The following SKAP2 variants were observed in gnomAD, a reference collection of about 807,000 sequenced individuals.
The protein encoded by SKAP2 is src kinase-associated phosphoprotein 2.
Under a neutral mutation model 54.9 loss-of-function variants are expected in SKAP2, and 28 were observed. The ratio of observed to expected loss-of-function variants is 0.51; its 90% CI spans 0.38 to 0.70. SKAP2 has a LOEUF of 0.70. Among genes scored for constraint, SKAP2 ranks in the 30% least tolerant of loss-of-function variants. The pLI is 0.00. For synonymous variants in SKAP2, 137 were observed against 134.3 expected (o/e 1.02, Z -0.14); for missense variants, 356 against 424.1 (o/e 0.84, Z 1.41).
In SKAP2 at chr7:26,731,628, C is replaced by A. The variant is rs113296431; in HGVS notation, c.470-4622G>T. On this transcript the variant is annotated intron_variant, in intron 6 of 12. Transcript: ENST00000345317. ...AAATATGTTTCATTTCTCAAATGTC[C>A]TATAGGCTCATTGAATAGAAAGTGC... Among the ~76,000 whole-genome samples the A allele has an allele frequency of 4.9e-4, 75 of 152,258 alleles. 1 individual carries two copies. The highest frequency in any genetic ancestry group is 1.8e-3 in the African/African-American group (74 of 41,536).
At chr7:26,840,471 A>G (rs1311806806) in intron 4 of SKAP2, among the ~76,000 whole-genome samples, 1 of 152,122 alleles carries the variant, frequency 6.6e-6, no homozygotes, top group Non-Finnish European at 1.5e-5. Flanking sequence ...TGGAAACCCA[A>G]GTAATTATAT....
In SKAP2 at chr7:26,739,816, T is replaced by C. The variant is rs748617615; in HGVS notation, c.385+71A>G. ...ACCTAAAACGAATACTGCCTCCACA[T>C]GTATACTACAAACATGTTCTATCTA... On this transcript the variant is annotated intron_variant, in intron 5 of 12. Coordinates refer to ENST00000345317, the MANE Select transcript of SKAP2 (RefSeq NM_003930.5). 1.0e-5 allele frequency: 11 copies of C among 1,071,774 alleles called. No individual in the cohort carries two copies. The Admixed American group carries it at 2.2e-4, about 21-fold the overall frequency. 66.4% of individuals were successfully genotyped at this position (1,071,774 alleles called of 1,614,324 possible).
chr7:26,855,302 T>C (rs890342696), intron 1 of SKAP2, among the ~76,000 whole-genome samples: 2 of 152,104 alleles, frequency 1.3e-5, no homozygotes, highest in African/African-American at 4.8e-5. Context: ...GTCATTCATA[T>C]TATTATGTCA....
rs537437400 is a variant in SKAP2, at chr7:26,831,430, A to T, written c.307+12600T>A. Among the ~76,000 whole-genome samples the T allele has an allele frequency of 3.3e-5, 5 of 152,310 alleles. No individual in the cohort carries two copies. In the South Asian group the frequency reaches 1.0e-3, roughly 32 times the overall value. ...AACTTCCAACTGCAAATCCTACAAA[A>T]TTCATCTTAGCCAGTAAAACATATG... is the stretch of plus-strand genomic sequence containing the variant. On this transcript the variant is annotated intron_variant, in intron 4 of 12. Transcript: ENST00000345317.
At chr7:26,745,993 TC>T (rs1782552479) in intron 4 of SKAP2, among the ~76,000 whole-genome samples, 1 of 152,210 alleles carries the variant, frequency 6.6e-6, no homozygotes, top group African/African-American at 2.4e-5. Context: ...AGTTCATTTT[TC>T]TTAAGAAGTG....
chr7:26,752,593 C>T (rs1037126654), intron 4 of SKAP2, among the ~76,000 whole-genome samples: 5 of 152,126 alleles, frequency 3.3e-5, no homozygotes, highest in African/African-American at 1.2e-4. Flanking sequence ...GATCAGACTT[C>T]TGGTAAATAT....
chr7:26,807,250 T>C (rs1437630959), intron 4 of SKAP2, among the ~76,000 whole-genome samples: 2 of 152,212 alleles, frequency 1.3e-5, no homozygotes, highest in African/African-American at 4.8e-5. Context: ...TTGCCTCTGA[T>C]ATGGTTTGGC....
intron 4 of SKAP2, among the ~76,000 whole-genome samples, chr7:26,805,917 A>G (rs879130866): frequency 6.6e-6 from 1 of 152,186 alleles, no homozygotes; most frequent in Non-Finnish European, 1.5e-5. Context: ...GAGAAAGTCT[A>G]TCGGCACCAT....
At chr7:26,762,560 AG>A (rs1344220930) in intron 4 of SKAP2, among the ~76,000 whole-genome samples, 1 of 152,084 alleles carries the variant, frequency 6.6e-6, no homozygotes, top group African/African-American at 2.4e-5. Context: ...ATGCCCAGCT[AG>A]GCGCGGTGGC....
At chr7:26,828,575 G>T (rs113429260) in intron 4 of SKAP2, among the ~76,000 whole-genome samples, 1 of 151,738 alleles carries the variant, frequency 6.6e-6, no homozygotes, top group African/African-American at 2.4e-5. Flanking sequence ...TACTCGGGAG[G>T]CTGAGGCAGG....
At chr7:26,679,950 C>T (rs1196731291) in intron 11 of SKAP2, among the ~76,000 whole-genome samples, 3 of 152,184 alleles carry the variant, frequency 2.0e-5, no homozygotes, top group African/African-American at 4.8e-5. Flanking sequence ...ATATTGGTGA[C>T]CACAGTCTTA....
chr7:26,660,546 T>A, the SKAP2 span, among the ~76,000 whole-genome samples: 1 of 152,038 alleles, frequency 6.6e-6, no homozygotes, highest in East Asian at 1.9e-4. Flanking sequence ...CAAAGGATGG[T>A]ATACTTATAG....
chr7:26,732,483 T>C (rs1254894505), intron 6 of SKAP2, among the ~76,000 whole-genome samples: 4 of 152,206 alleles, frequency 2.6e-5, no homozygotes, highest in Non-Finnish European at 5.9e-5. Context: ...TGGTTTCCGA[T>C]GCTTATACCA....
chr7:26,803,964 A>G (rs188700467), intron 4 of SKAP2, among the ~76,000 whole-genome samples: 71 of 152,294 alleles, frequency 4.7e-4, no homozygotes, highest in Middle Eastern at 6.8e-3. Flanking sequence ...TGGTTATCAG[A>G]GGCGAGGAAG....
chr7:26,658,628 C>T, the SKAP2 span, among the ~76,000 whole-genome samples: 30 of 152,098 alleles, frequency 2.0e-4, no homozygotes, highest in Admixed American at 7.9e-4. Flanking sequence ...AATTTCACTT[C>T]GTTTTCTTTG....
At chr7:26,689,827 C>T (rs1241952322) in intron 10 of SKAP2, among the ~76,000 whole-genome samples, 1 of 152,178 alleles carries the variant, frequency 6.6e-6, no homozygotes, top group East Asian at 1.9e-4. Context: ...TGCCAGTCCC[C>T]TGGGCAACTT....
intron 9 of SKAP2, among the ~76,000 whole-genome samples, chr7:26,702,386 C>A (rs1328435215): frequency 1.3e-5 from 2 of 152,180 alleles, no homozygotes; most frequent in Non-Finnish European, 2.9e-5. Flanking sequence ...AAGCAATCCA[C>A]CTGCCTCGGC....
chr7:26,774,150 T>A (rs1189316708), intron 4 of SKAP2, among the ~76,000 whole-genome samples: 1 of 151,928 alleles, frequency 6.6e-6, no homozygotes, highest in African/African-American at 2.4e-5. Flanking sequence ...CTGTCTCTAC[T>A]AAAATTACAA....
intron 1 of SKAP2, 138 bp from the exon 2 acceptor site, chr7:26,855,028 C>A (rs1200740044): frequency 3.4e-6 from 2 of 581,020 alleles, no homozygotes; most frequent in Admixed American, 3.4e-5. Context: ...CATTCCAAAG[C>A]ATAACAGTTG....
Sources: allele counts gnomAD v4.1 joint callset (sites outside exome capture counted in the v4.1 genomes callset), GRCh38; gene constraint gnomAD v4.1.1; transcripts MANE v1.5; gene names NCBI Gene and HGNC (gene_info 2026-07-23, HGNC 2026-07-21).